LYPD6: variants seen among roughly 807,000 people sequenced by gnomAD.
The protein encoded by LYPD6 is LY6/PLAUR domain containing 6.
A neutral mutation model predicts 22.7 loss-of-function variants in LYPD6; 15 were observed. That is an observed-to-expected ratio of 0.66 (90% CI 0.44 to 1.02). The LOEUF (loss-of-function observed/expected upper bound fraction) is 1.02, where lower values mean the gene tolerates loss of function less well. LYPD6 is among the 50% of genes least tolerant of loss of function. The pLI is 0.00. For missense variants in LYPD6, 189 were observed against 208.4 expected, an observed-to-expected ratio of 0.91 and a Z score of 0.57; for synonymous variants, 72 against 77.5, an observed-to-expected ratio of 0.93 and a Z score of 0.37.
At chr2:149,451,612 A>C (rs1183893086) in intron 3 of LYPD6, among the ~76,000 whole-genome samples, 1 of 152,224 alleles carries the variant, frequency 6.6e-6, no homozygotes, top group Admixed American at 6.5e-5. Context: ...CAGAGAAAAG[A>C]GGAAGTTCCA....
intron 1 of LYPD6, among the ~76,000 whole-genome samples, chr2:149,341,277 T>C (rs1681155801): frequency 6.6e-6 from 1 of 152,148 alleles, no homozygotes; most frequent in Non-Finnish European, 1.5e-5. Context: ...CATCCATTAT[T>C]CCACAATTTA....
At chr2:149,406,281 G>A (rs1682705851) in intron 1 of LYPD6, among the ~76,000 whole-genome samples, 1 of 152,000 alleles carries the variant, frequency 6.6e-6, no homozygotes, top group Non-Finnish European at 1.5e-5. Context: ...TCAATTCCTG[G>A]GTATCTTGTT....
chr2:149,353,940 A>G (rs961626421), intron 1 of LYPD6, among the ~76,000 whole-genome samples: 4 of 152,164 alleles, frequency 2.6e-5, no homozygotes, highest in Admixed American at 6.5e-5. Flanking sequence ...TCTGCCTTCC[A>G]TTCAGGGGCT....
At chr2:149,477,998 T>C (rs1163036268), downstream of LYPD6, among the ~76,000 whole-genome samples, 1 of 152,216 alleles carries the variant, frequency 6.6e-6, no homozygotes, top group Non-Finnish European at 1.5e-5. Flanking sequence ...TAGATTGGTC[T>C]TCACTAAGGC....
chr2:149,385,586 C>T (rs1447476195), intron 1 of LYPD6, among the ~76,000 whole-genome samples: 1 of 152,170 alleles, frequency 6.6e-6, no homozygotes, highest in African/African-American at 2.4e-5. Flanking sequence ...CTGAAATGAC[C>T]AGTGGATTCA....
rs1680962639 is a variant in LYPD6, at chr2:149,332,782, C to A, written c.-72+2060C>A. ...TGTGAATCATCCCCAAAAGGCTTTG[C>A]TGTCTGCTCAATATCATTTAGCTCC... is the stretch of plus-strand genomic sequence containing the variant. On this transcript the variant is annotated intron_variant, in intron 1 of 4. Coordinates refer to ENST00000334166, the MANE Select transcript of LYPD6 (RefSeq NM_194317.5). Among the ~76,000 whole-genome samples, 3 of 152,214 alleles carry A rather than the reference C, an allele frequency of 2.0e-5. No individual in the cohort carries two copies. The South Asian group carries it at 6.2e-4, about 31-fold the overall frequency.
intron 1 of LYPD6, among the ~76,000 whole-genome samples, chr2:149,354,363 A>G (rs1241495718): frequency 6.6e-6 from 1 of 152,096 alleles, no homozygotes; most frequent in Non-Finnish European, 1.5e-5. Flanking sequence ...GCATGCCACC[A>G]CACCCGGCTA....
chr2:149,368,430 G>A (rs150342950), intron 1 of LYPD6, among the ~76,000 whole-genome samples: 1 of 152,154 alleles, frequency 6.6e-6, no homozygotes, highest in Admixed American at 6.5e-5. Context: ...CTATTCAGGA[G>A]GCTGAGGCAT....
Position 149,472,062 on chromosome 2 carries a change from C to T in LYPD6, c.*1212C>T, listed in dbSNP as rs933123053. ...TGTCATCCTTCTTGTATTTTTTGTACCCCAAGTTACAATTTTTCTTCTTCC... is the reference window on the plus strand; with the variant it reads ...TGTCATCCTTCTTGTATTTTTTGTATCCCAAGTTACAATTTTTCTTCTTCC... On this transcript the variant is annotated 3_prime_UTR_variant, in exon 5 of 5. Transcript: ENST00000334166. 6.6e-6 allele frequency: 1 copy of T among 152,142 alleles called. No individual in the cohort carries two copies. Among genetic ancestry groups the T allele is most frequent in the African/African-American group, 2.4e-5 (1 of 41,354 alleles). 9.4% of individuals were successfully genotyped at this position (152,142 alleles called of 1,614,324 possible).
upstream of LYPD6, chr2:149,330,373 C>G: frequency 6.6e-6 from 1 of 151,420 alleles, no homozygotes; most frequent in Middle Eastern, 3.4e-3. Flanking sequence ...AGTTTGCAGA[C>G]TTGGCGCTCA....
intron 1 of LYPD6, among the ~76,000 whole-genome samples, chr2:149,359,497 T>C (rs1452386997): frequency 6.6e-6 from 1 of 152,242 alleles, no homozygotes; most frequent in Admixed American, 6.5e-5. Context: ...TAGACACATA[T>C]AAACATTAGA....
At chr2:149,398,282 T>C (rs189710033) in intron 1 of LYPD6, among the ~76,000 whole-genome samples, 2 of 152,288 alleles carry the variant, frequency 1.3e-5, no homozygotes, top group Admixed American at 1.3e-4. Flanking sequence ...CTCCTTTTTC[T>C]CTATTATTTG....
intron 3 of LYPD6, among the ~76,000 whole-genome samples, chr2:149,462,142 T>G (rs1309526594): frequency 6.8e-6 from 1 of 147,030 alleles, no homozygotes; most frequent in African/African-American, 2.5e-5. Flanking sequence ...ATGTAGAAAA[T>G]TCCAACAAAT....
intron 1 of LYPD6, among the ~76,000 whole-genome samples, chr2:149,344,933 A>T (rs1004233055): frequency 6.6e-6 from 1 of 152,168 alleles, no homozygotes; most frequent in Non-Finnish European, 1.5e-5. Flanking sequence ...CCTATAGTCC[A>T]CCTACTTGGC....
chr2:149,422,550 T>C (rs752419866), intron 1 of LYPD6, among the ~76,000 whole-genome samples: 1 of 152,164 alleles, frequency 6.6e-6, no homozygotes, highest in Admixed American at 6.6e-5. Flanking sequence ...TGTGAAATGA[T>C]TAAATCAGGC....
At chr2:149,405,225 G>A in intron 1 of LYPD6, among the ~76,000 whole-genome samples, 1 of 152,030 alleles carries the variant, frequency 6.6e-6, no homozygotes, top group Admixed American at 6.5e-5. Flanking sequence ...CCAGGCTTTG[G>A]TATCAGGATG....
At chr2:149,363,522 T>C (rs2105070116) in intron 1 of LYPD6, among the ~76,000 whole-genome samples, 1 of 152,274 alleles carries the variant, frequency 6.6e-6, no homozygotes, top group Non-Finnish European at 1.5e-5. Context: ...TATATGCAAT[T>C]TATGTGTGCT....
At chr2:149,430,240 C>T (rs1402054853) in intron 1 of LYPD6, among the ~76,000 whole-genome samples, 2 of 152,152 alleles carry the variant, frequency 1.3e-5, no homozygotes, top group African/African-American at 4.8e-5. Flanking sequence ...GCTGGGATTA[C>T]AGGTGCCCGC....
At chr2:149,415,878 C>T (rs950423860) in intron 1 of LYPD6, among the ~76,000 whole-genome samples, 2 of 151,958 alleles carry the variant, frequency 1.3e-5, no homozygotes, top group Admixed American at 1.3e-4. Context: ...TGGGGTTTCT[C>T]TTCATGTTGC....
Sources: gnomAD v4.1 joint callset for allele counts (sites outside exome capture counted in the v4.1 genomes callset) on GRCh38, gnomAD v4.1.1 for gene constraint, MANE v1.5 for transcripts, NCBI Gene and HGNC (gene_info 2026-07-23, HGNC 2026-07-21) for gene names.